SPRY3: variants seen among roughly 807,000 people sequenced by gnomAD.
SPRY3 encodes the protein sprouty RTK signaling antagonist 3.
A neutral mutation model predicts 20.2 loss-of-function variants in SPRY3; 15 were observed. The observed-to-expected ratio is 0.74, with a 90% CI of 0.50 to 1.14. The LOEUF (loss-of-function observed/expected upper bound fraction) is 1.14, where lower values mean the gene tolerates loss of function less well. SPRY3 is among the 50% of genes most tolerant of loss of function. SPRY3 has a pLI of 0.00. For missense variants in SPRY3, 364 were observed against 363.9 expected, an observed-to-expected ratio of 1.00 and a Z score of 0.00; for synonymous variants, 143 against 136.5, an observed-to-expected ratio of 1.05 and a Z score of -0.33.
At chrX:155,767,057 C>G (rs1016732878) in intron 2 of SPRY3, among the ~76,000 whole-genome samples, 1 of 152,076 alleles carries the variant, frequency 6.6e-6, no homozygotes, top group Non-Finnish European at 1.5e-5. Context: ...AAAATTGTTA[C>G]TCTCCACCCC....
At chrX:155,698,325 G>A (rs909608732) in intron 2 of SPRY3, among the ~76,000 whole-genome samples, 17 of 111,773 alleles carry the variant, frequency 1.5e-4, no homozygotes, top group African/African-American at 5.5e-4. Context: ...TGCCTTTAGA[G>A]TGGCAAACCA....
chrX:155,734,998 G>A (rs1421910013), intron 2 of SPRY3, among the ~76,000 whole-genome samples: 1 of 151,274 alleles, frequency 6.6e-6, no homozygotes, highest in Non-Finnish European at 1.5e-5. Context: ...GCTATTAATA[G>A]CCTTCTAAGC....
At chrX:155,737,787 C>G (rs2091178695) in intron 2 of SPRY3, among the ~76,000 whole-genome samples, 1 of 151,914 alleles carries the variant, frequency 6.6e-6, no homozygotes, top group Non-Finnish European at 1.5e-5. Context: ...TAGAATTTAT[C>G]CTGAGGTAAG....
intron 2 of SPRY3, among the ~76,000 whole-genome samples, chrX:155,692,094 G>T (rs192713325): frequency 9.1e-6 from 1 of 109,359 alleles, no homozygotes. Flanking sequence ...AAATGAACTC[G>T]TGGAGATAGA....
At chrX:155,630,977 G>A (rs934788045) in intron 1 of SPRY3, among the ~76,000 whole-genome samples, 1 of 109,255 alleles carries the variant, frequency 9.2e-6, no homozygotes, top group Non-Finnish European at 1.9e-5. Flanking sequence ...AGATACGGGG[G>A]TACATGTGCA....
At chrX:155,724,752 T>A (rs1269788466) in intron 2 of SPRY3, among the ~76,000 whole-genome samples, 1 of 152,198 alleles carries the variant, frequency 6.6e-6, no homozygotes, top group Non-Finnish European at 1.5e-5. Context: ...TATGCAATCA[T>A]GTCATCTGCA....
At chrX:155,710,539 T>G (rs751370669) in intron 2 of SPRY3, among the ~76,000 whole-genome samples, 17 of 151,766 alleles carry the variant, frequency 1.1e-4, no homozygotes, top group Non-Finnish European at 2.4e-4. Context: ...GAATGTGTTT[T>G]ATCAGTTCCA....
intron 2 of SPRY3, among the ~76,000 whole-genome samples, chrX:155,710,213 T>C (rs1232822594): frequency 1.3e-5 from 2 of 151,828 alleles, no homozygotes; most frequent in Admixed American, 6.6e-5. Context: ...TCACTGGTAT[T>C]TTGATACGGA....
At chrX:155,721,266 A>G (rs1246968465) in intron 2 of SPRY3, among the ~76,000 whole-genome samples, 2 of 152,120 alleles carry the variant, frequency 1.3e-5, no homozygotes, top group Non-Finnish European at 2.9e-5. Context: ...CAAAATAAAA[A>G]AAGAATAAAA....
chrX:155,740,226 C>T (rs2091196729), intron 2 of SPRY3, among the ~76,000 whole-genome samples: 3 of 152,166 alleles, frequency 2.0e-5, no homozygotes, highest in Admixed American at 6.5e-5. Flanking sequence ...ATTGTGTTAA[C>T]TGTACAAATT....
rs2068111765 is a variant in SPRY3 at position 155,694,175 on chromosome X, T to C, written c.-282+37150T>C. 1.8e-5 allele frequency among the ~76,000 whole-genome samples: 2 copies of C among 112,182 alleles called. 1 individual carries two copies. Among genetic ancestry groups the C allele is most frequent in the Admixed American group, 1.9e-4 (2 of 10,584 alleles). On this transcript the variant is annotated intron_variant, in intron 2 of 3. Coordinates refer to ENST00000675360, the Ensembl canonical transcript of SPRY3. ...CTCTACCATTTTATTGTTTTATCTT[T>C]GTTCCCTCTGTTTTATTGTTCCTCC...
intron 2 of SPRY3, among the ~76,000 whole-genome samples, chrX:155,749,537 A>T (rs777142717): frequency 1.3e-5 from 2 of 151,996 alleles, no homozygotes; most frequent in African/African-American, 2.4e-5. Context: ...GAGCAAAAGG[A>T]ACACAAAATA....
At chrX:155,712,400 T>A (rs976812319) in intron 2 of SPRY3, among the ~76,000 whole-genome samples, 6 of 151,986 alleles carry the variant, frequency 3.9e-5, no homozygotes, top group African/African-American at 1.4e-4. Flanking sequence ...TTTACAATCA[T>A]GTTCTCTTGC....
chrX:155,768,760 A>G (rs1236351039), intron 3 of SPRY3, among the ~76,000 whole-genome samples: 1 of 152,204 alleles, frequency 6.6e-6, no homozygotes, highest in Non-Finnish European at 1.5e-5. Flanking sequence ...GTCAAAAGTG[A>G]GAACCTGTGA....
chrX:155,725,698 A>T (rs1214323747), intron 2 of SPRY3, among the ~76,000 whole-genome samples: 1 of 150,030 alleles, frequency 6.7e-6, no homozygotes, highest in Non-Finnish European at 1.5e-5. Flanking sequence ...CATCTATTTG[A>T]TTCTTCTCTC....
At chrX:155,710,843 A>G (rs2090981370) in intron 2 of SPRY3, among the ~76,000 whole-genome samples, 1 of 151,146 alleles carries the variant, frequency 6.6e-6, no homozygotes, top group South Asian at 2.1e-4. Context: ...CCATCTATAT[A>G]CCTAGGTTTT....
intron 2 of SPRY3, among the ~76,000 whole-genome samples, chrX:155,739,854 A>T (rs1258161886): frequency 6.6e-6 from 1 of 152,204 alleles, no homozygotes; most frequent in African/African-American, 2.4e-5. Context: ...ACCCACAAAG[A>T]TGAGAAAGAA....
At chrX:155,762,628 T>C (rs1371327566) in intron 2 of SPRY3, among the ~76,000 whole-genome samples, 1 of 152,106 alleles carries the variant, frequency 6.6e-6, no homozygotes, top group Admixed American at 6.6e-5. Context: ...AGGTAGCTTG[T>C]GGTTTTGAAT....
chrX:155,620,854 A>G (rs1455694154), intron 1 of SPRY3, among the ~76,000 whole-genome samples: 1 of 112,197 alleles, frequency 8.9e-6, no homozygotes, highest in Admixed American at 9.5e-5. Context: ...AAATTAAGTT[A>G]GAAAAAACAG....
Sources: gnomAD v4.1 joint callset for allele counts (sites outside exome capture counted in the v4.1 genomes callset) on GRCh38, gnomAD v4.1.1 for gene constraint, MANE v1.5 for transcripts, NCBI Gene and HGNC (gene_info 2026-07-23, HGNC 2026-07-21) for gene names.